The following HUWE1 variants were observed in gnomAD, a reference collection of about 807,000 sequenced individuals.
The protein encoded by HUWE1 is HECT, UBA and WWE domain containing E3 ubiquitin protein ligase 1.
HUWE1 carries 18 observed loss-of-function variants against 299.4 expected under a neutral mutation model. That is an observed-to-expected ratio of 0.06 (90% CI 0.04 to 0.09). HUWE1 has a LOEUF of 0.09. Among genes scored for constraint, HUWE1 ranks in the 10% least tolerant of loss-of-function variants. The pLI is 1.00. For missense variants in HUWE1, 1,832 were observed against 3,462.3 expected (o/e 0.53, Z 11.82); for synonymous variants, 1,317 against 1,286.1 (o/e 1.02, Z -0.51).
At chrX:53,537,092 G>A (rs1238755696) in intron 78 of HUWE1, among the ~76,000 whole-genome samples, 1 of 111,351 alleles carries the variant, frequency 9.0e-6, no homozygotes, top group East Asian at 2.8e-4. Context: ...CAGTTGGAGA[G>A]CCCACACCAC....
chrX:53,672,774 G>T (rs1328822483), intron 3 of HUWE1, among the ~76,000 whole-genome samples: 1 of 111,817 alleles, frequency 8.9e-6, no homozygotes, highest in Admixed American at 9.5e-5. Flanking sequence ...TTGAAAGCTG[G>T]AAGGGAGGTA....
chrX:53,604,563 A>G, intron 26 of HUWE1, 26 bp downstream of exon 26: 5 of 1,205,433 alleles, frequency 4.1e-6, no homozygotes, highest in Non-Finnish European at 4.5e-6. Flanking sequence ...TTAAATTAAT[A>G]TGTTCACCCC....
At chrX:53,545,231 C>G in intron 70 of HUWE1, 70 bp from the exon 71 acceptor site, 1 of 1,031,629 alleles carries the variant, frequency 9.7e-7, no homozygotes, top group South Asian at 2.0e-5. Context: ...CCAAATCTCT[C>G]TAAGACACCT....
At position 53,539,784 on chromosome X, in the gene HUWE1, C is replaced by G; in HGVS notation, c.11505G>C (p.Lys3835Asn). The change falls in exon 75 of 84, where the codon AAG becomes AAC. Residue 3835 changes from lysine (K) to asparagine (N), a missense_variant. Physicochemically the swap from Lys to Asn is moderately conservative, Grantham distance 94. Transcript: ENST00000262854. ...ACTCAGGTGGTCTTTCTTCCTTTTCCTTCTCCCCCTGTGGGGTTCCATCGG... is the reference window on the plus strand; with the variant it reads ...ACTCAGGTGGTCTTTCTTCCTTTTCGTTCTCCCCCTGTGGGGTTCCATCGG... ...IASDGTPQGEKEKEERPPELP... is the reference protein window; with the variant it reads ...IASDGTPQGENEKEERPPELP... 1 of 1,210,621 alleles carries G rather than the reference C, an allele frequency of 8.3e-7. No homozygotes were observed. The highest frequency in any genetic ancestry group is 1.1e-6 in the Non-Finnish European group (1 of 894,729).
intron 77 of HUWE1, among the ~76,000 whole-genome samples, chrX:53,537,908 C>T (rs2061137521): frequency 9.0e-6 from 1 of 110,943 alleles, no homozygotes; most frequent in African/African-American, 3.3e-5. Flanking sequence ...GAGTAAGGGC[C>T]CACAAAGATT....
At chrX:53,537,399 G>C (rs2061114499) in intron 78 of HUWE1, 157 bp downstream of exon 78, 1 of 590,383 alleles carries the variant, frequency 1.7e-6, no homozygotes, top group Non-Finnish European at 2.8e-6. Context: ...GAAGATAGGA[G>C]ACAACTCAGT....
intron 23 of HUWE1, among the ~76,000 whole-genome samples, chrX:53,610,728 G>C (rs1557001386): frequency 8.9e-6 from 1 of 111,873 alleles, no homozygotes; most frequent in East Asian, 2.8e-4. Flanking sequence ...AGCCCTCCCA[G>C]TGGGCCACAT....
In HUWE1 at chrX:53,560,400, G is replaced by C; in HGVS notation, c.7524C>G (p.Ser2508=). The part of the protein sequence containing the change: ...MFSSATDIPP[S]PGNIPTTHPL... The stretch of plus-strand genomic sequence containing the variant: ...GATGGGTGGTAGGGATATTTCCTGG[G>C]GATGGGGGGATGTCTGCTGCAAGGA... The change falls in exon 56 of 84, where the codon TCC becomes TCG. Residue 2508 remains serine (S), a synonymous_variant. Transcript: ENST00000262854. 1 of 1,209,206 alleles carries C rather than the reference G, an allele frequency of 8.3e-7. No individual in the cohort carries two copies. Among genetic ancestry groups the C allele is most frequent in the Non-Finnish European group, 1.1e-6 (1 of 893,504 alleles).
At chrX:53,592,343 T>A in intron 33 of HUWE1, 55 bp downstream of exon 33, 1 of 884,281 alleles carries the variant, frequency 1.1e-6, no homozygotes, top group Non-Finnish European at 1.7e-6. Context: ...TCCGTAAGCA[T>A]CACACTCCAT....
At chrX:53,565,773 A>AAGTCGGTG in intron 49 of HUWE1, among the ~76,000 whole-genome samples, 1 of 110,020 alleles carries the variant, frequency 9.1e-6, no homozygotes, top group East Asian at 2.8e-4. Context: ...CTGGGACTAC[A>AAGTCGGTG]GGCGTGAGCC....
At chrX:53,544,078 T>A (rs1556920804) in intron 72 of HUWE1, 110 bp from the exon 73 acceptor site, 4 of 700,908 alleles carry the variant, frequency 5.7e-6, no homozygotes, top group Non-Finnish European at 8.7e-6. Flanking sequence ...CTGAGGTCTT[T>A]TGAGCTTTAG....
chrX:53,546,513 G>C lies in HUWE1; in HGVS notation c.10838C>G (p.Ser3613Cys). The change falls in exon 70 of 84, where the codon TCT (serine) becomes TGT (cysteine). Residue 3613 changes from serine to cysteine, a missense_variant. Coordinates refer to ENST00000262854, the MANE Select transcript of HUWE1 (RefSeq NM_031407.7). ...NVLLQLSRGD[S>C]GTRDTVLKLL... is the part of the protein sequence containing the mutation. ...CTTGAGAACAGTGTCCCGGGTCCCA[G>C]AGTCCCCCCGGGAGAGCTGCAGTAG... 2 of 1,209,231 alleles carry C rather than the reference G, an allele frequency of 1.7e-6. No homozygotes were observed. Among genetic ancestry groups the C allele is most frequent in the Non-Finnish European group, 2.2e-6 (2 of 893,635 alleles).
Position 53,548,112 on chromosome X carries a change from A to G in HUWE1, c.10197T>C (p.Asn3399=). Residue 3399 remains asparagine (N), a synonymous_variant, in exon 68 of 84, where the codon AAT becomes AAC. Transcript: ENST00000262854. ...CGGAGTTCTTGCCTTTCCGGCTGAC[A>G]TTCATGTTGTCCAGTTTTACCAATA... ...WDLLVKLDNM[N]VSRKGKNSVK... is the part of the protein sequence containing the mutation. 1 of 1,208,578 alleles carries G rather than the reference A, an allele frequency of 8.3e-7. No individual in the cohort carries two copies. Among genetic ancestry groups the G allele is most frequent in the Non-Finnish European group, 1.1e-6 (1 of 893,719 alleles).
chrX:53,667,782 A>T (rs2149491574), intron 3 of HUWE1, among the ~76,000 whole-genome samples: 1 of 111,858 alleles, frequency 8.9e-6, no homozygotes, highest in East Asian at 2.8e-4. Flanking sequence ...AAGGATGACC[A>T]CTACAAAAAC....
intron 3 of HUWE1, among the ~76,000 whole-genome samples, chrX:53,655,228 C>T (rs2068689097): frequency 9.0e-6 from 1 of 110,810 alleles, no homozygotes; most frequent in Non-Finnish European, 1.9e-5. Flanking sequence ...CACTAGAAAT[C>T]AATGTTCCTC....
At chrX:53,635,114 C>T (rs1227600034) in intron 7 of HUWE1, among the ~76,000 whole-genome samples, 4 of 109,445 alleles carry the variant, frequency 3.7e-5, no homozygotes, top group Non-Finnish European at 7.6e-5. Context: ...AAACAATTGA[C>T]GAAGTGAAAG....
At chrX:53,557,612 T>C (rs1194884093) in intron 59 of HUWE1, among the ~76,000 whole-genome samples, 185 bp from the exon 60 acceptor site, 1 of 111,768 alleles carries the variant, frequency 8.9e-6, no homozygotes, top group East Asian at 2.8e-4. Context: ...AATTTCTCTA[T>C]ACATACTCAG....
intron 3 of HUWE1, among the ~76,000 whole-genome samples, chrX:53,677,057 A>C (rs1249858504): frequency 3.7e-5 from 4 of 106,803 alleles, no homozygotes; most frequent in Admixed American, 1.0e-4. Context: ...ATCGTAACAT[A>C]ATCAATGTTG....
intron 3 of HUWE1, among the ~76,000 whole-genome samples, chrX:53,665,107 T>G (rs782318650): frequency 1.8e-5 from 2 of 111,730 alleles, no homozygotes; most frequent in East Asian, 5.6e-4. Flanking sequence ...GTTCCACAAC[T>G]CTACATTGCA....
Sources: allele counts gnomAD v4.1 joint callset (sites outside exome capture counted in the v4.1 genomes callset), GRCh38; gene constraint gnomAD v4.1.1; transcripts MANE v1.5; gene names NCBI Gene and HGNC (gene_info 2026-07-23, HGNC 2026-07-21).